Variants in TNRC6A observed in about 807,000 individuals in gnomAD.
The protein encoded by TNRC6A is trinucleotide repeat containing adaptor 6A.
In TNRC6A, 44 loss-of-function variants were observed where a neutral mutation model predicts 221.2. That is an observed-to-expected ratio of 0.20 (90% CI 0.16 to 0.26). The LOEUF (loss-of-function observed/expected upper bound fraction) is 0.26. TNRC6A is among the 10% of genes least tolerant of loss of function. The pLI, the probability that TNRC6A is intolerant of heterozygous loss-of-function variation, is 1.00. For synonymous variants in TNRC6A, 847 were observed against 838.5 expected, an observed-to-expected ratio of 1.01 and a Z score of -0.18; for missense variants, 2,199 against 2,404.4, an observed-to-expected ratio of 0.91 and a Z score of 1.79.
rs144184522 is a variant in TNRC6A at position 24,823,204 on chromosome 16, G to A, written c.5513+191G>A. On this transcript the variant is annotated intron_variant, in intron 24 of 24. Transcript: ENST00000395799. The surrounding 1 kb of genome is among the most constrained non-coding windows in gnomAD (Gnocchi z 4.3). ...TAGATGGCCCTAGAAAGTCCCTTAC[G>A]TTGCCCATGGCAGACAGAGGAAGTT... Among the ~76,000 whole-genome samples, 2 of 152,342 alleles carry A rather than the reference G, an allele frequency of 1.3e-5. No homozygotes were observed. Among genetic ancestry groups the A allele is most frequent in the East Asian group, 1.9e-4 (1 of 5,176 alleles).
rs183041740 is a variant in TNRC6A at position 24,632,505 on chromosome 16, G to T, written n.277-8379G>T. Among the ~76,000 whole-genome samples, 13 of 152,160 alleles carry T rather than the reference G, an allele frequency of 8.5e-5. 1 individual carries two copies. On this transcript the variant is annotated intron_variant and non_coding_transcript_variant, in intron 1 of 2. Transcript: ENST00000566108. ...ATTGCCTGGCTATTCATTTCTCTCT[G>T]TTTACACTTTCACCATCCTCTTCCA...
intron 1 of TNRC6A, among the ~76,000 whole-genome samples, chr16:24,623,285 G>A (rs1900781290): frequency 6.6e-6 from 1 of 151,628 alleles, no homozygotes; most frequent in Non-Finnish European, 1.5e-5. Flanking sequence ...TGCAAGCTCC[G>A]CCTCCCGGGC....
intron 2 of TNRC6A, among the ~76,000 whole-genome samples, chr16:24,667,092 G>T (rs138048945): frequency 6.6e-6 from 1 of 152,136 alleles, no homozygotes; most frequent in East Asian, 1.9e-4. Context: ...CTCCAGCCTG[G>T]GTGACAGAGC....
At chr16:24,649,553 C>G (rs1218932641) in intron 2 of TNRC6A, among the ~76,000 whole-genome samples, 1 of 152,074 alleles carries the variant, frequency 6.6e-6, no homozygotes, top group African/African-American at 2.4e-5. Flanking sequence ...AAGAAATCCT[C>G]CCACCTCTGC....
intron 1 of TNRC6A, among the ~76,000 whole-genome samples, chr16:24,632,148 G>A (rs1452875616): frequency 6.6e-6 from 1 of 152,132 alleles, no homozygotes. Flanking sequence ...ACCACGCCCA[G>A]GCTCTTTCCT....
chr16:24,651,277 G>T (rs1273454348), intron 2 of TNRC6A, among the ~76,000 whole-genome samples: 1 of 151,518 alleles, frequency 6.6e-6, no homozygotes, highest in Non-Finnish European at 1.5e-5. Context: ...CGTGCCTCAC[G>T]CCTGTAATCC....
chr16:24,812,170 C>G (rs541026737), intron 18 of TNRC6A, among the ~76,000 whole-genome samples: 31 of 151,578 alleles, frequency 2.0e-4, no homozygotes, highest in Non-Finnish European at 4.4e-4. Flanking sequence ...GTGCCTCAGC[C>G]TCCTGAGTAT....
intron 1 of TNRC6A, among the ~76,000 whole-genome samples, chr16:24,621,996 C>T (rs1900698784): frequency 6.6e-6 from 1 of 152,214 alleles, no homozygotes; most frequent in Non-Finnish European, 1.5e-5. Flanking sequence ...TTCCTAGTGT[C>T]TCCAATGTAT....
At chr16:24,812,091 C>G (rs112411469) in intron 18 of TNRC6A, among the ~76,000 whole-genome samples, 1 of 117,834 alleles carries the variant, frequency 8.5e-6, no homozygotes, top group Non-Finnish European at 1.6e-5. Context: ...CTCGGTCACC[C>G]AGGCTGGAGT....
chr16:24,724,304 T>G (rs2056458215), intron 2 of TNRC6A, among the ~76,000 whole-genome samples: 1 of 152,222 alleles, frequency 6.6e-6, no homozygotes, highest in Admixed American at 6.5e-5. Flanking sequence ...AGCAAGTTAA[T>G]TACCCCCATC....
At chr16:24,789,062 G>A (rs1355517562) in intron 5 of TNRC6A, among the ~76,000 whole-genome samples, 170 bp from the exon 6 acceptor site, 1 of 152,158 alleles carries the variant, frequency 6.6e-6, no homozygotes, top group African/African-American at 2.4e-5. Context: ...ATAGAAAGTT[G>A]GTGGCTAGAA....
chr16:24,687,849 A>G (rs8048969), intron 2 of TNRC6A, among the ~76,000 whole-genome samples: 87 of 130,122 alleles, frequency 6.7e-4, no homozygotes, highest in South Asian at 3.9e-3. Flanking sequence ...AAGAGGAAGA[A>G]GAAGAAGAAG....
intron 2 of TNRC6A, among the ~76,000 whole-genome samples, chr16:24,682,867 T>G (rs2055559398): frequency 6.6e-6 from 1 of 152,172 alleles, no homozygotes; most frequent in Non-Finnish European, 1.5e-5. Context: ...GAACAGTGTA[T>G]ACACTTAGCC....
At chr16:24,732,025 G>T (rs936475203) in intron 2 of TNRC6A, among the ~76,000 whole-genome samples, 2 of 152,218 alleles carry the variant, frequency 1.3e-5, no homozygotes, top group African/African-American at 2.4e-5. Context: ...AGTAGTACTA[G>T]GTAGATGACG....
At position 24,777,120 on chromosome 16, in the gene TNRC6A, G is replaced by A. The variant is rs748070015; in HGVS notation, c.351G>A (p.Pro117=). 24 of 1,596,460 alleles carry A rather than the reference G, an allele frequency of 1.5e-5. No individual in the cohort carries two copies. The highest frequency in any genetic ancestry group is 1.7e-4 in the Middle Eastern group (1 of 5,898). Residue 117 remains proline, a synonymous_variant, in exon 5 of 25, where the codon CCG becomes CCA. Transcript: ENST00000395799. The part of the protein sequence containing the change: ...QQPQQQPQPQ[P]QQQQPQQQPQ... ...CACAGCAGCAGCCACAGCCGCAGCCGCAGCAGCAGCAGCCACAGCAGCAGC... is the reference window on the plus strand; with the variant it reads ...CACAGCAGCAGCCACAGCCGCAGCCACAGCAGCAGCAGCCACAGCAGCAGC...
intron 1 of TNRC6A, among the ~76,000 whole-genome samples, chr16:24,617,541 A>G (rs1900426303): frequency 6.6e-6 from 1 of 152,214 alleles, no homozygotes; most frequent in African/African-American, 2.4e-5. Context: ...TCTTTTATTA[A>G]TTGTATTATT....
At chr16:24,778,741 T>C (rs538658561) in intron 5 of TNRC6A, among the ~76,000 whole-genome samples, 7 of 152,292 alleles carry the variant, frequency 4.6e-5, no homozygotes, top group South Asian at 2.1e-4. Flanking sequence ...ATAACTCTTA[T>C]AGAAGGACCT....
At position 24,648,554 on chromosome 16, in the gene TNRC6A, G is replaced by A. The variant is rs192787062; in HGVS notation, n.402+7545G>A. ...CAAAGTGCTGGGATTACAGGCGTGA[G>A]CCACCGCGCCCGGCCCACAGCAACC... On this transcript the variant is annotated intron_variant and non_coding_transcript_variant, in intron 2 of 2. Transcript: ENST00000566108. Among the ~76,000 whole-genome samples, 1,221 of 152,254 alleles carry A rather than the reference G, an allele frequency of 8.0e-3. 18 individuals are homozygous for A. Among genetic ancestry groups the A allele is most frequent in the African/African-American group, 0.027 (1,135 of 41,542 alleles).
chr16:24,715,890 G>A (rs753727800), intron 2 of TNRC6A, among the ~76,000 whole-genome samples: 1 of 151,488 alleles, frequency 6.6e-6, no homozygotes, highest in Non-Finnish European at 1.5e-5. Context: ...CAAAGTGCCG[G>A]GATTACAGGC....
Sources: gnomAD v4.1 joint callset for allele counts (sites outside exome capture counted in the v4.1 genomes callset) on GRCh38, gnomAD v4.1.1 for gene constraint, Gnocchi (gnomAD v3.1) non-coding constraint, MANE v1.5 for transcripts, NCBI Gene and HGNC (gene_info 2026-07-23, HGNC 2026-07-21) for gene names.